MCC: variants seen among roughly 807,000 people sequenced by gnomAD.
The protein encoded by MCC is colorectal mutant cancer protein.
Under a neutral mutation model 116.2 loss-of-function variants are expected in MCC, and 90 were observed. The observed-to-expected ratio is 0.77, with a 90% CI of 0.65 to 0.92. MCC has a LOEUF of 0.92. MCC is among the 40% of genes least tolerant of loss of function. The pLI is 0.00. For synonymous variants in MCC, 578 were observed against 510.5 expected, an observed-to-expected ratio of 1.13 and a Z score of -1.78; for missense variants, 1,516 against 1,312.2, an observed-to-expected ratio of 1.16 and a Z score of -2.40.
rs1460997785 is a variant in MCC, at chr5:113,022,342, T to TACAA, written c.*4956_*4959dup. 5.2e-5 allele frequency: 8 copies of TACAA among 152,582 alleles called. No individual in the cohort carries two copies. The highest frequency in any genetic ancestry group is 4.6e-4 in the Admixed American group (7 of 15,274). 9.5% of individuals were successfully genotyped at this position (152,582 alleles called of 1,614,324 possible). On this transcript the variant is annotated 3_prime_UTR_variant, in exon 19 of 19. Transcript: ENST00000408903. ...AGCAATTTTAAAATGAGACTTTCAG[T>TACAA]ACAAACAGTAGAACAATACTGACAA...
chr5:113,092,292 G>A (rs1448929835), intron 8 of MCC, among the ~76,000 whole-genome samples: 1 of 152,158 alleles, frequency 6.6e-6, no homozygotes, highest in Admixed American at 6.5e-5. Context: ...AAGATGCTAT[G>A]CTGCTGGCTT....
At chr5:113,227,138 A>G (rs545290100) in intron 3 of MCC, among the ~76,000 whole-genome samples, 3 of 152,350 alleles carry the variant, frequency 2.0e-5, no homozygotes, top group Non-Finnish European at 4.4e-5. Flanking sequence ...GACTTTGTTT[A>G]GCATTAGAGC....
Position 113,087,615 on chromosome 5 carries a change from CA to C in MCC, c.1399-2306del, listed in dbSNP as rs566406809. Among the ~76,000 whole-genome samples the C allele has an allele frequency of 5.8e-4, 89 of 152,216 alleles. 1 individual carries two copies. The East Asian group carries it at 0.016, about 28-fold the overall frequency. On this transcript the variant is annotated intron_variant, in intron 8 of 18. Transcript: ENST00000408903. ...GGAGACTTGCAACCTCCGGTGAATTCAACCTCCCGGTGAATTTCAGTTTTTA... is the reference window on the plus strand; with the variant it reads ...GGAGACTTGCAACCTCCGGTGAATTCACCTCCCGGTGAATTTCAGTTTTTA...
At chr5:113,468,400 G>A (rs2150429564) in intron 1 of MCC, among the ~76,000 whole-genome samples, 1 of 152,306 alleles carries the variant, frequency 6.6e-6, no homozygotes. Context: ...AAAGGTTGTT[G>A]AACTTTGTCA....
intron 3 of MCC, among the ~76,000 whole-genome samples, chr5:113,230,967 G>A (rs1026837036): frequency 1.2e-4 from 18 of 152,160 alleles, no homozygotes; most frequent in African/African-American, 4.1e-4. Context: ...AGATGAGCCC[G>A]ACAAACACTC....
chr5:113,454,933 G>T (rs575693432), intron 1 of MCC, among the ~76,000 whole-genome samples: 78 of 152,274 alleles, frequency 5.1e-4, no homozygotes, highest in Non-Finnish European at 7.9e-4. Flanking sequence ...AATAATTGCA[G>T]CTGAGGAGTC....
intron 6 of MCC, among the ~76,000 whole-genome samples, chr5:113,107,378 T>A (rs1003967338): frequency 7.9e-5 from 12 of 152,014 alleles, no homozygotes; most frequent in African/African-American, 2.9e-4. Flanking sequence ...CCACCACACC[T>A]AGCTAATTTT....
chr5:113,216,366 TTC>T (rs1561463547), intron 3 of MCC, among the ~76,000 whole-genome samples: 1 of 152,044 alleles, frequency 6.6e-6, no homozygotes. Context: ...CTCCCCAGGA[TTC>T]TGTCAGTCTG....
chr5:113,037,554 G>A lies in MCC; in HGVS notation c.2756+5976C>T, dbSNP rs150557848. Reference sequence around the variant, plus strand: ...CTAAAAATACAAAAATTAGCCAGGCGTGGTGGTGTGCACCTGTAGTCCAAG... The same window carrying A: ...CTAAAAATACAAAAATTAGCCAGGCATGGTGGTGTGCACCTGTAGTCCAAG... On this transcript the variant is annotated intron_variant, in intron 17 of 18. Coordinates refer to ENST00000408903, the MANE Select transcript of MCC (RefSeq NM_001085377.2). 7.0e-3 allele frequency among the ~76,000 whole-genome samples: 1,067 copies of A among 152,238 alleles called. 10 individuals are homozygous for A. The highest frequency in any genetic ancestry group is 0.024 in the African/African-American group (986 of 41,526).
At chr5:113,380,886 G>A (rs779431734) in intron 2 of MCC, among the ~76,000 whole-genome samples, 1 of 152,228 alleles carries the variant, frequency 6.6e-6, no homozygotes, top group Non-Finnish European at 1.5e-5. Flanking sequence ...AACATGGTAA[G>A]TCAGGGGAGC....
intron 3 of MCC, among the ~76,000 whole-genome samples, chr5:113,179,863 G>A (rs1761523004): frequency 6.6e-6 from 1 of 152,164 alleles, no homozygotes; most frequent in African/African-American, 2.4e-5. Flanking sequence ...CCAAATTTCA[G>A]CTTCACCATC....
At chr5:113,044,492 A>T (rs1751938304) in intron 16 of MCC, 1 of 983,972 alleles carries the variant, frequency 1.0e-6, no homozygotes, top group South Asian at 4.7e-5. Context: ...ATGATCTCTC[A>T]ACGGACATGA....
rs1471259519 is a variant in MCC, at chr5:113,053,807, C to T, written c.2366G>A (p.Ser789Asn). 1 of 1,614,078 alleles carries T rather than the reference C, an allele frequency of 6.2e-7. No individual in the cohort carries two copies. The highest frequency in any genetic ancestry group is 8.5e-7 in the Non-Finnish European group (1 of 1,180,052). Reference sequence around the variant, plus strand: ...GTCTCCCCGAGGCTTGACGTCATAGCTGAGAGGATCGATGTGGATGCTTTC... The same window carrying T: ...GTCTCCCCGAGGCTTGACGTCATAGTTGAGAGGATCGATGTGGATGCTTTC... Reference protein sequence around the residue: ...ELESIHIDPLSYDVKPRGDSQ... With the variant: ...ELESIHIDPLNYDVKPRGDSQ... The change falls in exon 15 of 19, where the codon AGC becomes AAC. Residue 789 changes from serine (S) to asparagine (N), a missense_variant. Physicochemically the swap from Ser to Asn is conservative, Grantham distance 46. Coordinates refer to ENST00000408903, the MANE Select transcript of MCC (RefSeq NM_001085377.2).
At chr5:113,369,321 T>C (rs961305601) in intron 2 of MCC, among the ~76,000 whole-genome samples, 17 of 152,126 alleles carry the variant, frequency 1.1e-4, no homozygotes, top group Middle Eastern at 3.2e-3. Context: ...GTCAACTCAT[T>C]AGCACATAAA....
chr5:113,406,421 G>A (rs1034329952), intron 1 of MCC, among the ~76,000 whole-genome samples: 2 of 152,130 alleles, frequency 1.3e-5, no homozygotes, highest in African/African-American at 4.8e-5. Context: ...TATCTAAAAT[G>A]ACCCAAATCA....
rs1264924438 is a variant in MCC at position 113,053,861 on chromosome 5, G to C, written c.2312C>G (p.Ala771Gly). The change falls in exon 15 of 19, where the codon GCT becomes GGT. Residue 771 changes from alanine (A) to glycine (G), a missense_variant. Physicochemically the swap from Ala to Gly is moderately conservative, Grantham distance 60 (BLOSUM62 0). Coordinates refer to ENST00000408903, the MANE Select transcript of MCC (RefSeq NM_001085377.2). Reference protein sequence around the residue: ...DYIQQLKNDRAAVKLTMLELE... With the variant: ...DYIQQLKNDRGAVKLTMLELE... ...CTCCAGCATGGTCAGCTTGACCGCA[G>C]CCCTGTCATTCTTGAGCTGCTGGAT... The C allele has an allele frequency of 3.7e-6, 6 of 1,614,016 alleles. No homozygotes were observed. The highest frequency in any genetic ancestry group is 3.4e-6 in the Non-Finnish European group (4 of 1,180,044).
At chr5:113,092,075 T>A (rs1462058372) in intron 8 of MCC, among the ~76,000 whole-genome samples, 1 of 152,158 alleles carries the variant, frequency 6.6e-6, no homozygotes, top group East Asian at 1.9e-4. Flanking sequence ...CCTATCACCT[T>A]AAAATCTAAT....
chr5:113,135,770 G>A (rs4705789), intron 5 of MCC, among the ~76,000 whole-genome samples: 67,954 of 151,250 alleles, frequency 0.45, 18,520 homozygotes, highest in East Asian at 0.66. Context: ...GAGGCTGGAC[G>A]TGGTGGCTCA....
At chr5:113,223,778 T>A (rs1168318778) in intron 3 of MCC, among the ~76,000 whole-genome samples, 3 of 152,198 alleles carry the variant, frequency 2.0e-5, no homozygotes, top group Non-Finnish European at 2.9e-5. Context: ...ATGCCTCATT[T>A]GTTCATAGGT....
Sources: gnomAD v4.1 joint callset for allele counts (sites outside exome capture counted in the v4.1 genomes callset) on GRCh38, gnomAD v4.1.1 for gene constraint, MANE v1.5 for transcripts, NCBI Gene and HGNC (gene_info 2026-07-23, HGNC 2026-07-21) for gene names.